The following BAZ2B variants were observed in gnomAD, a reference collection of about 807,000 sequenced individuals.
BAZ2B encodes the protein bromodomain adjacent to zinc finger domain 2B.
Under a neutral mutation model 246.0 loss-of-function variants are expected in BAZ2B, and 91 were observed. That is an observed-to-expected ratio of 0.37 (90% CI 0.31 to 0.44). The LOEUF is 0.44. Among genes scored for constraint, BAZ2B ranks in the 20% least tolerant of loss-of-function variants. The pLI, the probability that BAZ2B is intolerant of heterozygous loss-of-function variation, is 1.00. For synonymous variants in BAZ2B, 855 were observed against 860.0 expected (o/e 0.99, Z 0.10); for missense variants, 2,332 against 2,533.7 (o/e 0.92, Z 1.71).
intron 36 of BAZ2B, among the ~76,000 whole-genome samples, chr2:159,322,686 T>A (rs1249190766): frequency 6.6e-6 from 1 of 152,182 alleles, no homozygotes; most frequent in African/African-American, 2.4e-5. Flanking sequence ...GTCCTTCCTT[T>A]ATGGGATGGG....
At chr2:159,457,454 T>C (rs2075914582) in intron 3 of BAZ2B, among the ~76,000 whole-genome samples, 1 of 152,356 alleles carries the variant, frequency 6.6e-6, no homozygotes, top group South Asian at 2.1e-4. Flanking sequence ...GGCCTATCCA[T>C]GGGACTCATT....
chr2:159,409,346 C>T (rs890632156), intron 14 of BAZ2B, among the ~76,000 whole-genome samples: 5 of 152,090 alleles, frequency 3.3e-5, no homozygotes, highest in African/African-American at 7.2e-5. Flanking sequence ...GTTTCAATCG[C>T]ATATGAAATG....
chr2:159,430,518 C>A (rs921728991), intron 10 of BAZ2B, among the ~76,000 whole-genome samples: 3 of 152,124 alleles, frequency 2.0e-5, no homozygotes, highest in Non-Finnish European at 2.9e-5. Context: ...GTGTGTGGGG[C>A]CAGTGCCCCT....
At chr2:159,706,013 A>G in the BAZ2B span, among the ~76,000 whole-genome samples, 1 of 152,166 alleles carries the variant, frequency 6.6e-6, no homozygotes, top group African/African-American at 2.4e-5. Context: ...GCATGCTTAA[A>G]TTTGATTTCA....
intron 20 of BAZ2B, chr2:159,395,533 C>T (rs1559247345): frequency 6.0e-6 from 2 of 336,010 alleles, no homozygotes; most frequent in East Asian, 5.3e-5. Context: ...TTATTTACTA[C>T]ACTAAAAAAA....
At chr2:159,689,155 A>G in the BAZ2B span, 1 of 395,520 alleles carries the variant, frequency 2.5e-6, no homozygotes, top group South Asian at 2.1e-5. Context: ...GCTCCATAAA[A>G]GCGCACGTAT....
At chr2:159,610,381 A>G (rs954669483) in intron 1 of BAZ2B, among the ~76,000 whole-genome samples, 1 of 152,226 alleles carries the variant, frequency 6.6e-6, no homozygotes, top group Admixed American at 6.5e-5. Context: ...GCGAGTTAAG[A>G]GCTTCAGTAC....
rs375127846 is a variant in BAZ2B at position 159,385,062 on chromosome 2, A to T, written c.3686+93T>A. 2.0e-5 allele frequency: 27 copies of T among 1,320,890 alleles called. No homozygotes were observed. In the African/African-American group the frequency reaches 2.5e-4, roughly 12 times the overall value. 81.8% of individuals were successfully genotyped at this position (1,320,890 alleles called of 1,614,324 possible). ...AATTTTCTTCTTTGTGCTAGTCTGTAACTTTCCAATTTTCTATAATCAATT... is the reference window on the plus strand; with the variant it reads ...AATTTTCTTCTTTGTGCTAGTCTGTTACTTTCCAATTTTCTATAATCAATT... On this transcript the variant is annotated intron_variant, in intron 23 of 36. Transcript: ENST00000392783.
chr2:159,688,851 G>GT, the BAZ2B span, among the ~76,000 whole-genome samples: 5 of 152,192 alleles, frequency 3.3e-5, no homozygotes, highest in Non-Finnish European at 7.3e-5. Context: ...CATTTTTGCA[G>GT]TAATACAGCA....
chr2:159,511,702 TACAC>T (rs1231757037), intron 2 of BAZ2B, among the ~76,000 whole-genome samples: 7 of 152,266 alleles, frequency 4.6e-5, no homozygotes, highest in African/African-American at 1.7e-4. Context: ...ATTTAACACA[TACAC>T]TACTATTTTT....
intron 27 of BAZ2B, among the ~76,000 whole-genome samples, chr2:159,368,876 A>C (rs1035954667): frequency 1.8e-5 from 2 of 111,178 alleles, no homozygotes; most frequent in African/African-American, 5.8e-5. Context: ...AAAAAAAAAA[A>C]AAAAAAACTG....
rs369533293 is a variant in BAZ2B at position 159,448,249 on chromosome 2, G to A, written c.495C>T (p.Pro165=). 19 of 1,608,392 alleles carry A rather than the reference G, an allele frequency of 1.2e-5. No individual in the cohort carries two copies. Among genetic ancestry groups the A allele is most frequent in the African/African-American group, 2.7e-5 (2 of 74,308 alleles). The part of the protein sequence containing the change: ...RTSGKSNRNG[P]EKGVNGSING... ...TTATGTAAATGTGGATACCTTTTTCGGGACCATTTCGATTACTTTTTCCCG... is the reference window on the plus strand; with the variant it reads ...TTATGTAAATGTGGATACCTTTTTCAGGACCATTTCGATTACTTTTTCCCG... The change falls in exon 5 of 37, where the codon CCC becomes CCT. Residue 165 remains proline, a synonymous_variant. Coordinates refer to ENST00000392783, the MANE Select transcript of BAZ2B (RefSeq NM_013450.4).
chr2:159,586,060 T>C (rs1320383284), intron 1 of BAZ2B, among the ~76,000 whole-genome samples: 1 of 152,244 alleles, frequency 6.6e-6, no homozygotes, highest in Non-Finnish European at 1.5e-5. Flanking sequence ...AAGTCAGTCA[T>C]TTTATATGTG....
upstream of BAZ2B, among the ~76,000 whole-genome samples, chr2:159,618,661 CGTAAA>C (rs148563666): frequency 7.5e-3 from 1,141 of 152,074 alleles, 4 homozygotes; most frequent in Non-Finnish European, 0.011. Flanking sequence ...TATTTCTATG[CGTAAA>C]GTATTGAATA....
chr2:159,574,723 C>G (rs1425285615), intron 1 of BAZ2B, among the ~76,000 whole-genome samples: 1 of 152,082 alleles, frequency 6.6e-6, no homozygotes, highest in East Asian at 1.9e-4. Context: ...CGGTGGCTCA[C>G]GCCTGTAATC....
At chr2:159,386,218 T>C (rs2149544191) in intron 22 of BAZ2B, 135 bp downstream of exon 22, 1 of 1,012,564 alleles carries the variant, frequency 9.9e-7, no homozygotes, top group Non-Finnish European at 1.4e-6. Flanking sequence ...CTGACACAAA[T>C]CTACAGTTAA....
At chr2:159,543,251 G>A (rs1008578438) in intron 2 of BAZ2B, among the ~76,000 whole-genome samples, 1 of 151,984 alleles carries the variant, frequency 6.6e-6, no homozygotes, top group African/African-American at 2.4e-5. Context: ...CTATTGAGGA[G>A]GTATGATACA....
At chr2:159,475,876 A>T (rs559230879) in intron 3 of BAZ2B, among the ~76,000 whole-genome samples, 14 of 152,324 alleles carry the variant, frequency 9.2e-5, no homozygotes, top group African/African-American at 3.4e-4. Context: ...TGGAGGGTGC[A>T]GAACAGCAAA....
At position 159,382,756 on chromosome 2, in the gene BAZ2B, C is replaced by T. The variant is rs200718844; in HGVS notation, c.3808G>A (p.Gly1270Ser). 1.3e-5 allele frequency: 21 copies of T among 1,613,602 alleles called. No homozygotes were observed. The highest frequency in any genetic ancestry group is 1.8e-5 in the Non-Finnish European group (21 of 1,179,856). ...AKKTGKRDTS[G>S]GIDLGEEQHP... ...TGCTCTTCTCCCAGATCAATGCCACCTGAAGTGTCTCTTTTGCCTGTTTTC... is the reference window on the plus strand; with the variant it reads ...TGCTCTTCTCCCAGATCAATGCCACTTGAAGTGTCTCTTTTGCCTGTTTTC... The change falls in exon 25 of 37, where the codon GGT (glycine) becomes AGT (serine). Residue 1270 changes from glycine (G) to serine (S), a missense_variant. By Grantham distance (56) the Gly-to-Ser change is moderately conservative (BLOSUM62 0). This residue lies in a region of BAZ2B where 328 missense variants were observed against 410.4 expected (regional missense o/e 0.80). Transcript: ENST00000392783.
Sources: allele counts gnomAD v4.1 joint callset (sites outside exome capture counted in the v4.1 genomes callset), GRCh38; gene constraint gnomAD v4.1.1; regional missense constraint gnomAD v4.1.1; transcripts MANE v1.5; gene names NCBI Gene and HGNC (gene_info 2026-07-23, HGNC 2026-07-21).